Variants in ANK3 observed in about 807,000 individuals in gnomAD.
The protein encoded by ANK3 is ankyrin 3, also known as ankyrin-3.
ANK3 carries 57 observed loss-of-function variants against 370.9 expected under a neutral mutation model. The observed-to-expected ratio is 0.15, with a 90% CI of 0.12 to 0.19. The LOEUF (loss-of-function observed/expected upper bound fraction) is 0.19, where lower values mean the gene tolerates loss of function less well. Among genes scored for constraint, ANK3 ranks in the 10% least tolerant of loss-of-function variants. The probability of loss-of-function intolerance (pLI) is 1.00; values close to 1 mark genes in which losing one functional copy is unlikely to be tolerated. For missense variants in ANK3, 4,439 were observed against 5,302.1 expected, an observed-to-expected ratio of 0.84 and a Z score of 5.06; for synonymous variants, 1,929 against 1,946.3, an observed-to-expected ratio of 0.99 and a Z score of 0.23.
At chr10:60,414,698 C>T (rs2132937763) in intron 2 of ANK3, among the ~76,000 whole-genome samples, 1 of 152,268 alleles carries the variant, frequency 6.6e-6, no homozygotes. Context: ...AAAAATCTTA[C>T]TTTATATATT....
intron 2 of ANK3, among the ~76,000 whole-genome samples, chr10:60,605,408 A>G (rs908210365): frequency 3.9e-5 from 6 of 152,150 alleles, no homozygotes; most frequent in Non-Finnish European, 7.4e-5. Flanking sequence ...CCTAGGCAAC[A>G]TGACAAAATC....
chr10:60,304,643 G>A lies in ANK3; in HGVS notation c.115-25004C>T, dbSNP rs144818080. ...GGGTGACAGAGTGAGGCTCTGTCTC[G>A]AAAAAAAGAAAAAATTGAGTTATAT... On this transcript the variant is annotated intron_variant, in intron 1 of 43. Coordinates refer to ENST00000280772, the MANE Select transcript of ANK3 (RefSeq NM_020987.5). Among the ~76,000 whole-genome samples the A allele has an allele frequency of 4.4e-3, 672 of 151,434 alleles. 5 individuals are homozygous for A. The highest frequency in any genetic ancestry group is 7.5e-3 in the Non-Finnish European group (509 of 67,840).
rs905098368 is a variant in ANK3, at chr10:60,027,431, A to G, written c.*2415T>C. On this transcript the variant is annotated 3_prime_UTR_variant, in exon 44 of 44. Transcript: ENST00000280772. ...GCAACCTAGCCCCATTCTTTATGCA[A>G]AGTAGATTATCCGTGCATTTCTTCT... 6.6e-6 allele frequency: 1 copy of G among 152,058 alleles called. No homozygotes were observed. Among genetic ancestry groups the G allele is most frequent in the African/African-American group, 2.4e-5 (1 of 41,396 alleles). 9.4% of individuals were successfully genotyped at this position (152,058 alleles called of 1,614,324 possible). A position where few individuals can be genotyped will look rare whatever the true frequency, so the allele number is the denominator to read the frequency against.
intron 1 of ANK3, among the ~76,000 whole-genome samples, chr10:60,322,965 G>A (rs898450752): frequency 2.6e-5 from 4 of 152,156 alleles, no homozygotes; most frequent in Non-Finnish European, 5.9e-5. Flanking sequence ...CATGAAGATC[G>A]TGAGCTTGGT....
At chr10:60,235,865 A>G (rs2097324655) in intron 7 of ANK3, among the ~76,000 whole-genome samples, 1 of 152,214 alleles carries the variant, frequency 6.6e-6, no homozygotes, top group South Asian at 2.1e-4. Context: ...GTCAGGGACT[A>G]TGCTAAACTC....
Position 60,084,979 on chromosome 10 carries a change from C to T in ANK3, c.3846-149G>A, listed in dbSNP as rs541580153. 124 of 752,544 alleles carry T rather than the reference C, an allele frequency of 1.6e-4. No individual in the cohort carries two copies. The African/African-American group carries it at 1.9e-3, about 11-fold the overall frequency. The allele number at this position is 752,544 out of a possible 1,614,324, so 46.6% of individuals were successfully genotyped here. A position where few individuals can be genotyped will look rare whatever the true frequency, so the allele number is the denominator to read the frequency against. On this transcript the variant is annotated intron_variant, in intron 31 of 43. Transcript: ENST00000280772. ...CATTTAAACAGCAAAGATGCTTTTT[C>T]GATGTATCAAACACAGAAACCCTCT... is the stretch of plus-strand genomic sequence containing the variant.
intron 2 of ANK3, among the ~76,000 whole-genome samples, chr10:60,420,358 A>G (rs2063753317): frequency 6.6e-6 from 1 of 152,118 alleles, no homozygotes; most frequent in Non-Finnish European, 1.5e-5. Context: ...GAGAGCCTGG[A>G]CCACAGAAAG....
At position 60,275,579 on chromosome 10, in the gene ANK3, G is replaced by A. The variant is rs186974912; in HGVS notation, c.414+3195C>T. ...TTTCATGAAGGTCAGTTAGATTAGAGGTGCAATATAAGGTCACAGAGGCTC... is the reference window on the plus strand; with the variant it reads ...TTTCATGAAGGTCAGTTAGATTAGAAGTGCAATATAAGGTCACAGAGGCTC... On this transcript the variant is annotated intron_variant, in intron 4 of 43. Transcript: ENST00000280772. 7.2e-5 allele frequency among the ~76,000 whole-genome samples: 11 copies of A among 152,160 alleles called. No homozygotes were observed. The East Asian group carries it at 1.5e-3, about 21-fold the overall frequency.
In ANK3 at chr10:60,419,122, A is replaced by G. The variant is rs920209885; in HGVS notation, c.97-139483T>C. 4.6e-5 allele frequency among the ~76,000 whole-genome samples: 7 copies of G among 152,274 alleles called. No individual in the cohort carries two copies. The East Asian group carries it at 1.4e-3, about 29-fold the overall frequency. On this transcript the variant is annotated intron_variant, in intron 2 of 43. Transcript: ENST00000373827. The stretch of plus-strand genomic sequence containing the variant: ...ATATAAACCTGTTTGTTTTTAAATG[A>G]AGTTTAAAGTTTTGGAAACATTTAC...
At chr10:60,480,538 A>G (rs2075184556) in intron 2 of ANK3, among the ~76,000 whole-genome samples, 1 of 152,318 alleles carries the variant, frequency 6.6e-6, no homozygotes, top group East Asian at 1.9e-4. Context: ...AATCAAGTCA[A>G]TATATTTGTG....
intron 23 of ANK3, among the ~76,000 whole-genome samples, chr10:60,165,865 T>C (rs2095611756): frequency 6.6e-6 from 1 of 152,212 alleles, no homozygotes. Context: ...GTAAATATTT[T>C]GTTATTACAG....
intron 1 of ANK3, among the ~76,000 whole-genome samples, chr10:60,728,473 T>G (rs894889964): frequency 6.6e-6 from 1 of 152,216 alleles, no homozygotes; most frequent in Non-Finnish European, 1.5e-5. Flanking sequence ...ATTTGGAAAA[T>G]TATTCTAACA....
intron 2 of ANK3, among the ~76,000 whole-genome samples, chr10:60,411,993 A>G (rs149416027): frequency 6.6e-6 from 1 of 152,288 alleles, no homozygotes; most frequent in African/African-American, 2.4e-5. Flanking sequence ...TTGAATCTCT[A>G]AAAGGCTTAT....
chr10:60,259,257 T>C (rs1592624432), intron 7 of ANK3, among the ~76,000 whole-genome samples: 1 of 152,296 alleles, frequency 6.6e-6, no homozygotes, highest in Non-Finnish European at 1.5e-5. Context: ...AGTTCTCAGG[T>C]ACCCTAAAGC....
At chr10:60,705,394 A>C (rs1169930066) in intron 1 of ANK3, among the ~76,000 whole-genome samples, 1 of 152,226 alleles carries the variant, frequency 6.6e-6, no homozygotes, top group Non-Finnish European at 1.5e-5. Flanking sequence ...TTTTAAAATA[A>C]TATTCACATT....
chr10:60,255,060 T>C (rs1407223078), intron 7 of ANK3, among the ~76,000 whole-genome samples: 1 of 152,210 alleles, frequency 6.6e-6, no homozygotes, highest in Non-Finnish European at 1.5e-5. Context: ...CTATATTTTA[T>C]TACATTTTTA....
intron 1 of ANK3, among the ~76,000 whole-genome samples, chr10:60,695,964 C>G (rs962688926): frequency 6.6e-6 from 1 of 150,732 alleles, no homozygotes; most frequent in East Asian, 1.9e-4. Flanking sequence ...AATCCAGGAG[C>G]TGGTTTTTTG....
chr10:60,274,400 C>T (rs2132687259), intron 4 of ANK3, among the ~76,000 whole-genome samples: 2 of 152,244 alleles, frequency 1.3e-5, no homozygotes, highest in South Asian at 2.1e-4. Flanking sequence ...TAGTTTTGGT[C>T]ACCAGTGCCC....
chr10:60,427,488 C>T (rs2063914315), intron 2 of ANK3, among the ~76,000 whole-genome samples: 1 of 151,148 alleles, frequency 6.6e-6, no homozygotes, highest in Admixed American at 6.6e-5. Context: ...GCACTTTTGC[C>T]TAAATAGGTC....
Sources: gnomAD v4.1 joint callset for allele counts (sites outside exome capture counted in the v4.1 genomes callset) on GRCh38, gnomAD v4.1.1 for gene constraint, MANE v1.5 for transcripts, NCBI Gene and HGNC (gene_info 2026-07-23, HGNC 2026-07-21) for gene names.